The following UGT1A6 variants were observed in gnomAD, a reference collection of about 807,000 sequenced individuals.
The protein encoded by UGT1A6 is UDP glucuronosyltransferase family 1 member A6, also known as UDP-glucuronosyltransferase 1A6.
In UGT1A6, 32 loss-of-function variants were observed where a neutral mutation model predicts 44.4. The observed-to-expected ratio is 0.72, with a 90% CI of 0.54 to 0.97. The LOEUF is 0.97. Among genes scored for constraint, UGT1A6 ranks in the 50% least tolerant of loss-of-function variants. The probability of loss-of-function intolerance (pLI) is 0.00; values close to 1 mark genes in which losing one functional copy is unlikely to be tolerated. For missense variants in UGT1A6, 685 were observed against 661.9 expected (o/e 1.03, Z -0.38); for synonymous variants, 238 against 248.5 (o/e 0.96, Z 0.40).
chr2:233,728,942 G>A (rs1352391275), intron 1 of UGT1A6, among the ~76,000 whole-genome samples: 1 of 147,948 alleles, frequency 6.8e-6, no homozygotes, highest in Non-Finnish European at 1.5e-5. Flanking sequence ...CTTTTCCAGG[G>A]TGGGGCCCAC....
intron 1 of UGT1A6, among the ~76,000 whole-genome samples, chr2:233,749,110 T>C (rs1417029157): frequency 1.3e-5 from 2 of 151,818 alleles, no homozygotes; most frequent in African/African-American, 4.9e-5. Flanking sequence ...AATTCAGCCT[T>C]TTTATGTCAT....
At chr2:233,740,090 C>T (rs1463854417) in intron 1 of UGT1A6, among the ~76,000 whole-genome samples, 1 of 151,842 alleles carries the variant, frequency 6.6e-6, no homozygotes, top group Non-Finnish European at 1.5e-5. Context: ...CGCCTGCTGC[C>T]ATGTGAGACA....
At chr2:233,696,501 T>C (rs1019151525) in intron 1 of UGT1A6, among the ~76,000 whole-genome samples, 1 of 152,252 alleles carries the variant, frequency 6.6e-6, no homozygotes, top group Admixed American at 6.5e-5. Flanking sequence ...CGAATTTGCT[T>C]GTCAGTTCTA....
chr2:233,717,702 G>A, intron 1 of UGT1A6: 1 of 450,266 alleles, frequency 2.2e-6, no homozygotes, highest in Non-Finnish European at 4.5e-6. Flanking sequence ...TTCTGGAGCA[G>A]GACGAGCCTC....
At chr2:233,741,868 C>T (rs566953182) in intron 1 of UGT1A6, 3 of 152,000 alleles carry the variant, frequency 2.0e-5, no homozygotes, top group South Asian at 2.1e-4. Flanking sequence ...GCAAACCTTT[C>T]CTCAGAGGTG....
At chr2:233,710,732 C>G (rs1375598699) in intron 1 of UGT1A6, among the ~76,000 whole-genome samples, 1 of 152,164 alleles carries the variant, frequency 6.6e-6, no homozygotes, top group Non-Finnish European at 1.5e-5. Context: ...AAAACAACGT[C>G]TTTCAAGGAG....
At chr2:233,719,662 G>A in intron 1 of UGT1A6, 6 of 1,614,092 alleles carry the variant, frequency 3.7e-6, no homozygotes, top group Non-Finnish European at 5.1e-6. Flanking sequence ...GGCATCAACT[G>A]TGCCAACGGG....
chr2:233,763,369 C>A (rs1698291426), intron 1 of UGT1A6, among the ~76,000 whole-genome samples: 1 of 152,194 alleles, frequency 6.6e-6, no homozygotes. Flanking sequence ...CCTTTGTCTT[C>A]AAGCTTTCTT....
At chr2:233,758,613 T>TGCATGC (rs1429486776) in intron 1 of UGT1A6, among the ~76,000 whole-genome samples, 2 of 152,164 alleles carry the variant, frequency 1.3e-5, no homozygotes, top group Non-Finnish European at 2.9e-5. Flanking sequence ...AGTGTGCATG[T>TGCATGC]GCATGCAAAG....
intron 1 of UGT1A6, chr2:233,756,082 A>G (rs549873303): frequency 1.3e-5 from 2 of 152,358 alleles, no homozygotes; most frequent in African/African-American, 4.8e-5. Flanking sequence ...CAATGAGAAA[A>G]TCAAGTAACA....
chr2:233,739,022 G>C (rs1690964112), intron 1 of UGT1A6: 1 of 152,290 alleles, frequency 6.6e-6, no homozygotes, highest in Non-Finnish European at 1.5e-5. Flanking sequence ...TCCAGCCATG[G>C]CTAAAAGGGG....
upstream of UGT1A6, chr2:233,692,360 A>G (rs2125551379): frequency 6.4e-6 from 1 of 155,082 alleles, no homozygotes; most frequent in South Asian, 2.0e-4. Context: ...TCTGTGAGCC[A>G]TTCTAGCAAA....
intron 1 of UGT1A6, among the ~76,000 whole-genome samples, chr2:233,731,408 T>C (rs2078155079): frequency 6.6e-6 from 1 of 152,094 alleles, no homozygotes; most frequent in Non-Finnish European, 1.5e-5. Flanking sequence ...TTACATTAGG[T>C]ATTTTTCCTA....
At chr2:233,765,711 T>TTAA (rs10664358) in intron 1 of UGT1A6, among the ~76,000 whole-genome samples, 1,596 of 149,282 alleles carry the variant, frequency 0.011, 27 homozygotes, top group African/African-American at 0.036. Context: ...ATAATAATAA[T>TTAA]TAATAATAAT....
At chr2:233,718,331 G>A (rs1043504676) in intron 1 of UGT1A6, among the ~76,000 whole-genome samples, 5 of 152,242 alleles carry the variant, frequency 3.3e-5, no homozygotes, top group African/African-American at 4.8e-5. Context: ...GCTTAGCAAT[G>A]TTGTATGTCT....
chr2:233,743,706 C>T (rs776716166), intron 1 of UGT1A6: 66 of 1,367,252 alleles, frequency 4.8e-5, no homozygotes, highest in Non-Finnish European at 6.3e-5. Context: ...TCCGCCCCCG[C>T]CTCGCCATAG....
At chr2:233,753,145 T>C (rs1695138672) in intron 1 of UGT1A6, 1 of 152,202 alleles carries the variant, frequency 6.6e-6, no homozygotes, top group Non-Finnish European at 1.5e-5. Flanking sequence ...TCTTCACACA[T>C]GTAAGTTCCC....
chr2:233,747,780 C>A, intron 1 of UGT1A6: 1 of 1,613,502 alleles, frequency 6.2e-7, no homozygotes, highest in South Asian at 1.1e-5. Flanking sequence ...GTGTCCAAAT[C>A]CTTCCTCCTA....
intron 1 of UGT1A6, among the ~76,000 whole-genome samples, chr2:233,752,117 A>T (rs910162092): frequency 3.9e-5 from 6 of 152,242 alleles, no homozygotes. Context: ...GAGGAGAAGA[A>T]GATGATGGAC....
Sources: allele counts gnomAD v4.1 joint callset (sites outside exome capture counted in the v4.1 genomes callset), GRCh38; gene constraint gnomAD v4.1.1; transcripts MANE v1.5; gene names NCBI Gene and HGNC (gene_info 2026-07-23, HGNC 2026-07-21).